Variants in CLIC5 observed in about 807,000 individuals in gnomAD.
CLIC5 encodes the protein CLIC family member 5.
CLIC5 carries 20 observed loss-of-function variants against 24.7 expected under a neutral mutation model. That is an observed-to-expected ratio of 0.81 (90% confidence interval 0.57 to 1.18). CLIC5 has a LOEUF of 1.18. Among genes scored for constraint, CLIC5 ranks in the 50% most tolerant of loss-of-function variants. The pLI is 0.00. For synonymous variants in CLIC5, 159 were observed against 135.6 expected (o/e 1.17, Z -1.20); for missense variants, 341 against 326.1 (o/e 1.05, Z -0.35).
intron 1 of CLIC5, among the ~76,000 whole-genome samples, chr6:45,979,951 C>CTTTTTTTTTTTTTTTT (rs3997321): frequency 4.2e-5 from 4 of 95,060 alleles, no homozygotes; most frequent in South Asian, 4.3e-4. Context: ...GACTTAGTCA[C>CTTTTTTTTTTTTTTTT]TTTTTTTTTT....
intron 2 of CLIC5, among the ~76,000 whole-genome samples, chr6:45,953,921 G>C (rs932731797): frequency 6.6e-6 from 1 of 152,036 alleles, no homozygotes; most frequent in African/African-American, 2.4e-5. Context: ...TCTAGACTTG[G>C]CTACTGATCA....
intron 1 of CLIC5, among the ~76,000 whole-genome samples, chr6:45,977,584 G>A (rs1031620126): frequency 5.9e-5 from 9 of 151,924 alleles, no homozygotes; most frequent in African/African-American, 2.2e-4. Flanking sequence ...TGCCTCTCAG[G>A]GACCCTTTCT....
At chr6:45,938,153 C>T (rs771794423) in intron 4 of CLIC5, among the ~76,000 whole-genome samples, 1 of 152,170 alleles carries the variant, frequency 6.6e-6, no homozygotes, top group Non-Finnish European at 1.5e-5. Context: ...TGTAGGGCGG[C>T]ATGTGGAAGG....
chr6:45,983,446 C>A (rs1765629644), intron 1 of CLIC5, among the ~76,000 whole-genome samples: 1 of 152,162 alleles, frequency 6.6e-6, no homozygotes, highest in Non-Finnish European at 1.5e-5. Context: ...TGGCACAAGA[C>A]ACACCATTGA....
chr6:45,982,835 G>T (rs1487792257), intron 1 of CLIC5, among the ~76,000 whole-genome samples: 5 of 152,180 alleles, frequency 3.3e-5, no homozygotes, highest in Non-Finnish European at 7.3e-5. Context: ...AGAAGTCAAT[G>T]ATTCGCTTTT....
chr6:45,913,508 G>A (rs888295078), intron 5 of CLIC5, among the ~76,000 whole-genome samples: 1 of 152,160 alleles, frequency 6.6e-6, no homozygotes, highest in Non-Finnish European at 1.5e-5. Flanking sequence ...ATTAAGCAGA[G>A]GGCTCCTCGT....
At chr6:46,125,903 A>G in the CLIC5 span, among the ~76,000 whole-genome samples, 3 of 152,202 alleles carry the variant, frequency 2.0e-5, no homozygotes, top group African/African-American at 7.2e-5. Flanking sequence ...TTATTTCAAC[A>G]AAAGTTTCAG....
At chr6:46,111,149 CTCACTTGGAA>C in the CLIC5 span, among the ~76,000 whole-genome samples, 1 of 150,670 alleles carries the variant, frequency 6.6e-6, no homozygotes, top group Admixed American at 6.6e-5. Flanking sequence ...TTCTATTTCT[CTCACTTGGAA>C]TCACTAGAAA....
chr6:45,960,225 C>T lies in CLIC5; in HGVS notation c.64-4981G>A, dbSNP rs150738870. Among the ~76,000 whole-genome samples the T allele has an allele frequency of 5.2e-4, 79 of 152,198 alleles. No individual in the cohort carries two copies. The Middle Eastern group carries it at 0.01, about 20-fold the overall frequency. On this transcript the variant is annotated intron_variant, in intron 1 of 5. Coordinates refer to ENST00000339561, the MANE Select transcript of CLIC5 (RefSeq NM_016929.5). ...AGCTGATAATTGGCCAAAAGTCACT[C>T]GCGGGTACCCAAGTCCAGAAGTGGG... is the stretch of plus-strand genomic sequence containing the variant.
intron 4 of CLIC5, among the ~76,000 whole-genome samples, chr6:45,918,207 G>GA (rs1049227935): frequency 6.6e-6 from 1 of 151,788 alleles, no homozygotes; most frequent in Non-Finnish European, 1.5e-5. Flanking sequence ...TTTTAAGGAG[G>GA]AAAAAAAATC....
At chr6:45,920,233 C>G (rs1763200760) in intron 4 of CLIC5, 1 of 983,914 alleles carries the variant, frequency 1.0e-6, no homozygotes, top group South Asian at 4.7e-5. Context: ...GGAGTTTTCT[C>G]TGAGTAGAGG....
intron 4 of CLIC5, among the ~76,000 whole-genome samples, chr6:45,922,522 AT>A (rs1014969288): frequency 2.0e-5 from 3 of 152,090 alleles, no homozygotes; most frequent in Admixed American, 6.5e-5. Flanking sequence ...CAAAATGCAT[AT>A]TTTTTTTAAA....
At chr6:45,932,467 A>G (rs1015361774) in intron 4 of CLIC5, among the ~76,000 whole-genome samples, 1 of 152,208 alleles carries the variant, frequency 6.6e-6, no homozygotes, top group Non-Finnish European at 1.5e-5. Flanking sequence ...TATACATCAA[A>G]TGAGGATGAT....
intron 1 of CLIC5, among the ~76,000 whole-genome samples, chr6:46,041,303 T>C (rs1253169428): frequency 1.3e-5 from 2 of 152,248 alleles, no homozygotes; most frequent in Non-Finnish European, 2.9e-5. Context: ...ATACCTTGCA[T>C]TGCATGCAAG....
chr6:46,004,940 A>G (rs1766496771), intron 1 of CLIC5, among the ~76,000 whole-genome samples: 1 of 152,230 alleles, frequency 6.6e-6, no homozygotes, highest in Non-Finnish European at 1.5e-5. Flanking sequence ...ATTTTATGCT[A>G]TAACTATAAA....
intron 1 of CLIC5, among the ~76,000 whole-genome samples, chr6:45,976,673 C>A (rs951906044): frequency 3.9e-5 from 6 of 152,168 alleles, no homozygotes; most frequent in African/African-American, 7.2e-5. Flanking sequence ...CTTCTTAGTA[C>A]TTTTGGTTCA....
intron 4 of CLIC5, chr6:45,920,839 ATGC>A (rs3839353): frequency 0.28 from 43,455 of 153,722 alleles, 6,538 homozygotes; most frequent in East Asian, 0.48. Flanking sequence ...AGAAATGTAG[ATGC>A]TGCTATAACG....
At chr6:46,086,113 G>T in the CLIC5 span, among the ~76,000 whole-genome samples, 1 of 152,194 alleles carries the variant, frequency 6.6e-6, no homozygotes, top group Non-Finnish European at 1.5e-5. Context: ...CAGTATTAGG[G>T]TGGGAGTGAC....
chr6:46,122,888 T>C, the CLIC5 span: 2 of 152,166 alleles, frequency 1.3e-5, no homozygotes, highest in African/African-American at 2.4e-5. Flanking sequence ...CAGGAAGAAG[T>C]TGAATCTCTT....
Sources: gnomAD v4.1 joint callset for allele counts (sites outside exome capture counted in the v4.1 genomes callset) on GRCh38, gnomAD v4.1.1 for gene constraint, MANE v1.5 for transcripts, NCBI Gene and HGNC (gene_info 2026-07-23, HGNC 2026-07-21) for gene names.